The following THEMIS variants were observed in gnomAD, a reference collection of about 807,000 sequenced individuals.
THEMIS encodes thymocyte selection associated.
A neutral mutation model predicts 52.6 loss-of-function variants in THEMIS; 37 were observed. That is an observed-to-expected ratio of 0.70 (90% CI 0.54 to 0.93). The LOEUF is 0.93. THEMIS is among the 40% of genes least tolerant of loss of function. The pLI, the probability that THEMIS is intolerant of heterozygous loss-of-function variation, is 0.00. For synonymous variants in THEMIS, 292 were observed against 272.7 expected (o/e 1.07, Z -0.70); for missense variants, 808 against 763.1 (o/e 1.06, Z -0.69).
intron 4 of THEMIS, among the ~76,000 whole-genome samples, chr6:127,767,608 A>G (rs1333406653): frequency 2.0e-5 from 3 of 152,148 alleles, no homozygotes; most frequent in African/African-American, 7.2e-5. Flanking sequence ...CTCCTTTGGT[A>G]ACAATGCCTT....
chr6:127,751,322 G>C (rs1775636704), intron 4 of THEMIS, among the ~76,000 whole-genome samples: 1 of 151,548 alleles, frequency 6.6e-6, no homozygotes, highest in Non-Finnish European at 1.5e-5. Flanking sequence ...TTTTACGTAA[G>C]TCTCATAGTA....
chr6:127,734,979 GTA>G (rs563903085), intron 4 of THEMIS, among the ~76,000 whole-genome samples: 16 of 133,816 alleles, frequency 1.2e-4, no homozygotes, highest in African/African-American at 1.6e-4. Flanking sequence ...ATATGTGTGT[GTA>G]TATATATATA....
intron 1 of THEMIS, among the ~76,000 whole-genome samples, chr6:127,882,095 G>T (rs1035253233): frequency 6.7e-6 from 1 of 150,042 alleles, no homozygotes; most frequent in Non-Finnish European, 1.5e-5. Flanking sequence ...TACTATCTTT[G>T]CATAGACTCC....
In THEMIS at chr6:127,906,441, A is replaced by T. The variant is rs577504906; in HGVS notation, c.-149-5360T>A. ...CAAATATTTATTTCATAAAATTCAT[A>T]CTGTTAATGGTGCAATGTTTAGTCA... On this transcript the variant is annotated intron_variant, in intron 1 of 6. Transcript: ENST00000368250. 1.4e-3 allele frequency among the ~76,000 whole-genome samples: 218 copies of T among 152,086 alleles called. 2 individuals carry two copies. Among genetic ancestry groups the T allele is most frequent in the African/African-American group, 4.9e-3 (205 of 41,562 alleles).
At chr6:127,845,957 T>C (rs1779198810) in intron 2 of THEMIS, among the ~76,000 whole-genome samples, 1 of 151,970 alleles carries the variant, frequency 6.6e-6, no homozygotes, top group Non-Finnish European at 1.5e-5. Context: ...CAATTCTGGC[T>C]AACTGAGGCT....
intron 3 of THEMIS, among the ~76,000 whole-genome samples, chr6:127,824,925 A>AAAACAAACAAACAAACAAAC (rs57655447): frequency 6.6e-6 from 1 of 151,214 alleles, no homozygotes; most frequent in Admixed American, 6.6e-5. Flanking sequence ...ACTCCGTCTC[A>AAAACAAACAAACAAACAAAC]AAACAAACAA....
At chr6:127,734,868 CAAAAAAAAAAA>C (rs1197660495) in intron 4 of THEMIS, among the ~76,000 whole-genome samples, 2 of 32,940 alleles carry the variant, frequency 6.1e-5, no homozygotes, top group Non-Finnish European at 9.7e-5. Context: ...GGCTCTGTCT[CAAAAAAAAAAA>C]AAAAAAAAAA....
intron 4 of THEMIS, among the ~76,000 whole-genome samples, chr6:127,803,840 C>A (rs764318982): frequency 4.6e-5 from 7 of 152,162 alleles, no homozygotes; most frequent in Non-Finnish European, 7.4e-5. Context: ...TTTCCCTGAC[C>A]TTCAATCTCT....
chr6:127,904,877 A>G (rs1781228919), upstream of THEMIS, among the ~76,000 whole-genome samples: 1 of 152,096 alleles, frequency 6.6e-6, no homozygotes, highest in South Asian at 2.1e-4. Flanking sequence ...TTAACAGCAA[A>G]TGGGACATAC....
chr6:127,713,609 A>G (rs1465072594), intron 5 of THEMIS, among the ~76,000 whole-genome samples: 2 of 151,922 alleles, frequency 1.3e-5, no homozygotes, highest in African/African-American at 2.4e-5. Flanking sequence ...GGAGGGTTAT[A>G]GTTTTAAAAT....
At chr6:127,859,485 AAC>A (rs772988652) in intron 1 of THEMIS, among the ~76,000 whole-genome samples, 17 of 150,960 alleles carry the variant, frequency 1.1e-4, no homozygotes, top group Non-Finnish European at 1.8e-4. Context: ...CAGCTAGTAA[AAC>A]AGTTTTTTTT....
intron 1 of THEMIS, among the ~76,000 whole-genome samples, chr6:127,889,756 C>A (rs1357911483): frequency 1.3e-5 from 2 of 151,866 alleles, no homozygotes; most frequent in African/African-American, 4.8e-5. Flanking sequence ...TTGGGAATTT[C>A]AAAAAATGAG....
the THEMIS span, among the ~76,000 whole-genome samples, chr6:127,698,880 A>G: frequency 1.3e-5 from 2 of 152,012 alleles, no homozygotes; most frequent in Admixed American, 6.6e-5. Context: ...TATTTTGACT[A>G]GTTGCTATAC....
At chr6:127,727,348 A>G (rs570500413) in intron 4 of THEMIS, among the ~76,000 whole-genome samples, 1 of 152,292 alleles carries the variant, frequency 6.6e-6, no homozygotes, top group East Asian at 1.9e-4. Context: ...ATTACAGTGG[A>G]ATCAACTATG....
At chr6:127,807,927 T>G (rs1322156928) in intron 4 of THEMIS, among the ~76,000 whole-genome samples, 2 of 152,208 alleles carry the variant, frequency 1.3e-5, no homozygotes, top group Non-Finnish European at 2.9e-5. Flanking sequence ...GTGTTCTCTG[T>G]GCACTCCCCA....
the THEMIS span, among the ~76,000 whole-genome samples, chr6:127,703,034 A>AG: frequency 4.3e-4 from 24 of 55,212 alleles, 1 homozygote; most frequent in Admixed American, 1.2e-3. Context: ...CTTTAGAATG[A>AG]GTTTTTTTTT....
At chr6:127,856,094 C>G (rs1779609537) in intron 1 of THEMIS, among the ~76,000 whole-genome samples, 1 of 151,960 alleles carries the variant, frequency 6.6e-6, no homozygotes, top group African/African-American at 2.4e-5. Flanking sequence ...TCAGTTTTTC[C>G]TGACTTCCAA....
At chr6:127,861,253 T>C (rs1779787233) in intron 1 of THEMIS, among the ~76,000 whole-genome samples, 1 of 152,168 alleles carries the variant, frequency 6.6e-6, no homozygotes, top group Non-Finnish European at 1.5e-5. Flanking sequence ...ATCTTAAATG[T>C]TAAATAAATT....
At chr6:127,913,199 T>A (rs1336324050) in intron 1 of THEMIS, among the ~76,000 whole-genome samples, 1 of 152,046 alleles carries the variant, frequency 6.6e-6, no homozygotes, top group Non-Finnish European at 1.5e-5. Flanking sequence ...AAAGAGGAAA[T>A]AGATACTGGA....
Sources: gnomAD v4.1 joint callset for allele counts (sites outside exome capture counted in the v4.1 genomes callset) on GRCh38, gnomAD v4.1.1 for gene constraint, MANE v1.5 for transcripts, NCBI Gene and HGNC (gene_info 2026-07-23, HGNC 2026-07-21) for gene names.